NWD2: variants seen among roughly 807,000 people sequenced by gnomAD.
NWD2 encodes the protein NACHT and WD repeat domain-containing protein 2.
A neutral mutation model predicts 132.7 loss-of-function variants in NWD2; 37 were observed. That is an observed-to-expected ratio of 0.28 (90% confidence interval 0.21 to 0.37). The LOEUF is 0.37. Ranked by LOEUF, NWD2 falls within the 10% of genes least tolerant of loss-of-function variation. NWD2 has a pLI of 1.00. For synonymous variants in NWD2, 705 were observed against 803.0 expected (o/e 0.88, Z 2.06); for missense variants, 1,592 against 2,122.4 (o/e 0.75, Z 4.91).
chr4:37,408,130 G>A (rs1321343819), intron 3 of NWD2, among the ~76,000 whole-genome samples: 2 of 152,192 alleles, frequency 1.3e-5, no homozygotes, highest in Non-Finnish European at 2.9e-5. Flanking sequence ...AGCTGCAGGA[G>A]TTCTTTTTTT....
intron 3 of NWD2, among the ~76,000 whole-genome samples, chr4:37,384,799 C>T (rs1720526487): frequency 6.6e-6 from 1 of 152,204 alleles, no homozygotes; most frequent in Admixed American, 6.5e-5. Context: ...GCAACTACAG[C>T]CCTACCTACA....
At chr4:37,430,887 C>G in intron 4 of NWD2, 112 bp downstream of exon 4, 1 of 879,686 alleles carries the variant, frequency 1.1e-6, no homozygotes, top group Non-Finnish European at 1.7e-6. Flanking sequence ...GAAAGTTACT[C>G]TGCCCTAGGC....
chr4:37,392,646 C>T (rs930962055), intron 3 of NWD2, among the ~76,000 whole-genome samples: 2 of 152,148 alleles, frequency 1.3e-5, no homozygotes, highest in East Asian at 1.9e-4. Context: ...CAAATGAGTG[C>T]GAGTGGGCAG....
intron 1 of NWD2, among the ~76,000 whole-genome samples, chr4:37,310,948 A>G (rs182777788): frequency 0.024 from 3,569 of 151,676 alleles, 59 homozygotes; most frequent in South Asian, 0.063. Flanking sequence ...CCATGTCCCT[A>G]CAAAGGACAT....
At chr4:37,252,170 G>C (rs560222028) in intron 1 of NWD2, among the ~76,000 whole-genome samples, 2 of 152,316 alleles carry the variant, frequency 1.3e-5, no homozygotes, top group South Asian at 4.1e-4. Context: ...GATCTCCACA[G>C]GGAATAGAAA....
intron 3 of NWD2, among the ~76,000 whole-genome samples, chr4:37,358,180 G>T (rs1424997569): frequency 6.6e-6 from 1 of 152,116 alleles, no homozygotes; most frequent in Non-Finnish European, 1.5e-5. Context: ...TTGACTTAAG[G>T]TTTTACCTCG....
At chr4:37,337,933 A>C (rs2109293512) in intron 2 of NWD2, among the ~76,000 whole-genome samples, 1 of 152,210 alleles carries the variant, frequency 6.6e-6, no homozygotes, top group South Asian at 2.1e-4. Flanking sequence ...ATCCTTTAAA[A>C]CTAGATCCAA....
At chr4:37,296,322 T>C (rs1028685920) in intron 1 of NWD2, among the ~76,000 whole-genome samples, 5 of 152,084 alleles carry the variant, frequency 3.3e-5, no homozygotes, top group African/African-American at 1.2e-4. Context: ...TTAAATAAGG[T>C]GCCTTTAAAC....
At chr4:37,311,874 A>G (rs1223996654) in intron 1 of NWD2, among the ~76,000 whole-genome samples, 2 of 150,952 alleles carry the variant, frequency 1.3e-5, no homozygotes, top group Non-Finnish European at 2.9e-5. Flanking sequence ...AGCACCATTT[A>G]TTAAATAGGG....
At chr4:37,311,528 A>C (rs906932301) in intron 1 of NWD2, among the ~76,000 whole-genome samples, 3 of 149,944 alleles carry the variant, frequency 2.0e-5, no homozygotes, top group Admixed American at 6.6e-5. Context: ...TAGATTCTGG[A>C]TATTAGCCCT....
At chr4:37,304,706 G>A (rs73240361) in intron 1 of NWD2, among the ~76,000 whole-genome samples, 24,559 of 152,192 alleles carry the variant, frequency 0.16, 2,397 homozygotes, top group South Asian at 0.33. Flanking sequence ...AGGCCACACC[G>A]ATGCAAGGGG....
At chr4:37,276,949 A>G (rs1211717870) in intron 1 of NWD2, among the ~76,000 whole-genome samples, 3 of 151,936 alleles carry the variant, frequency 2.0e-5, no homozygotes, top group African/African-American at 4.8e-5. Flanking sequence ...ACACATGGAC[A>G]CAGGAAGGGG....
chr4:37,394,701 G>A (rs140562364), intron 3 of NWD2, among the ~76,000 whole-genome samples: 89 of 149,668 alleles, frequency 5.9e-4, no homozygotes, highest in African/African-American at 1.9e-3. Context: ...CAGTAGAGAC[G>A]TATCCACGTA....
chr4:37,373,809 G>T (rs938244500), intron 3 of NWD2, among the ~76,000 whole-genome samples: 3 of 152,150 alleles, frequency 2.0e-5, no homozygotes, highest in African/African-American at 4.8e-5. Context: ...CAAACATCAA[G>T]TTTGGATTTT....
intron 2 of NWD2, among the ~76,000 whole-genome samples, chr4:37,337,623 C>T (rs1156718540): frequency 3.3e-5 from 5 of 152,176 alleles, no homozygotes; most frequent in Admixed American, 3.3e-4. Context: ...GAGGTTCCAT[C>T]TCTCCTTGTC....
chr4:37,426,840 G>A (rs1020381208), intron 3 of NWD2, among the ~76,000 whole-genome samples: 2 of 152,094 alleles, frequency 1.3e-5, no homozygotes, highest in Middle Eastern at 3.2e-3. Flanking sequence ...CATATTTTAG[G>A]AACCAATCCA....
intron 2 of NWD2, among the ~76,000 whole-genome samples, chr4:37,354,004 G>T (rs1436198014): frequency 1.3e-5 from 2 of 152,052 alleles, no homozygotes; most frequent in African/African-American, 4.8e-5. Flanking sequence ...GTTCTTTGAT[G>T]CTGGTGACCT....
At chr4:37,356,537 A>G in intron 3 of NWD2, 55 bp downstream of exon 3, 1 of 1,139,490 alleles carries the variant, frequency 8.8e-7, no homozygotes, top group Non-Finnish European at 1.3e-6. Flanking sequence ...TGTGAGAATT[A>G]TTGCTGATTT....
intron 1 of NWD2, among the ~76,000 whole-genome samples, chr4:37,247,033 G>C (rs1040130762): frequency 6.6e-6 from 1 of 152,156 alleles, no homozygotes; most frequent in African/African-American, 2.4e-5. Context: ...TTAACCCTAG[G>C]AAAGCAAACA....
Sources: gnomAD v4.1 joint callset for allele counts (sites outside exome capture counted in the v4.1 genomes callset) on GRCh38, gnomAD v4.1.1 for gene constraint, MANE v1.5 for transcripts, NCBI Gene and HGNC (gene_info 2026-07-23, HGNC 2026-07-21) for gene names.